Variants in SULF1 observed in about 807,000 individuals in gnomAD.
SULF1 encodes the protein sulfatase 1, also known as extracellular sulfatase Sulf-1.
In SULF1, 46 loss-of-function variants were observed where a neutral mutation model predicts 110.5. The ratio of observed to expected loss-of-function variants is 0.42; its 90% CI spans 0.33 to 0.53. SULF1 has a LOEUF of 0.53. SULF1 is among the 20% of genes least tolerant of loss of function. The pLI is 0.12. For synonymous variants in SULF1, 371 were observed against 387.1 expected (o/e 0.96, Z 0.49); for missense variants, 941 against 1,094.2 (o/e 0.86, Z 1.98).
At chr8:69,623,197 A>G in intron 14 of SULF1, among the ~76,000 whole-genome samples, 1 of 131,054 alleles carries the variant, frequency 7.6e-6, no homozygotes, top group East Asian at 2.7e-4. Context: ...TTGGCTGATG[A>G]AAGCATTAAC....
intron 3 of SULF1, among the ~76,000 whole-genome samples, chr8:69,525,442 A>G (rs1812593934): frequency 6.6e-6 from 1 of 152,182 alleles, no homozygotes; most frequent in African/African-American, 2.4e-5. Flanking sequence ...AGCAGTGGCA[A>G]GGATGACAGC....
chr8:69,507,823 T>C (rs1016378681), intron 3 of SULF1, among the ~76,000 whole-genome samples: 3 of 151,282 alleles, frequency 2.0e-5, no homozygotes, highest in African/African-American at 7.3e-5. Flanking sequence ...CATGAAAATG[T>C]AAAAAAAAAT....
chr8:69,509,629 G>A (rs1441839282), intron 3 of SULF1, among the ~76,000 whole-genome samples: 2 of 152,164 alleles, frequency 1.3e-5, no homozygotes, highest in African/African-American at 4.8e-5. Flanking sequence ...TAAAGTGACT[G>A]AAAAATTGTC....
chr8:69,541,271 C>A (rs1813835165), intron 3 of SULF1, among the ~76,000 whole-genome samples: 1 of 152,168 alleles, frequency 6.6e-6, no homozygotes, highest in South Asian at 2.1e-4. Context: ...GCTTGTGAGA[C>A]CGGAGGACAC....
intron 13 of SULF1, among the ~76,000 whole-genome samples, chr8:69,616,371 C>T (rs1809145239): frequency 6.6e-6 from 1 of 151,108 alleles, no homozygotes; most frequent in Non-Finnish European, 1.5e-5. Context: ...AGGCATGCGC[C>T]GCCACCTGGC....
chr8:69,630,981 G>A (rs76503029), intron 19 of SULF1, among the ~76,000 whole-genome samples: 8,257 of 149,938 alleles, frequency 0.055, 377 homozygotes, highest in Non-Finnish European at 0.074. Context: ...CCCCCACCCT[G>A]CAACAGTCCC....
chr8:69,552,359 G>A (rs1425484157), intron 3 of SULF1, among the ~76,000 whole-genome samples: 3 of 152,168 alleles, frequency 2.0e-5, no homozygotes, highest in African/African-American at 4.8e-5. Flanking sequence ...AAGTCAGTAA[G>A]TTGTCAAGGA....
chr8:69,471,308 C>T (rs1255240995), intron 1 of SULF1, among the ~76,000 whole-genome samples: 5 of 152,050 alleles, frequency 3.3e-5, no homozygotes, highest in South Asian at 4.1e-4. Context: ...CCAGGACATT[C>T]GAACACTCAA....
chr8:69,546,385 C>G lies in SULF1; in HGVS notation c.-133-17154C>G, dbSNP rs546445314. 2.6e-5 allele frequency among the ~76,000 whole-genome samples: 4 copies of G among 152,300 alleles called. No individual in the cohort carries two copies. The East Asian group carries it at 7.7e-4, about 29-fold the overall frequency. On this transcript the variant is annotated intron_variant, in intron 3 of 22. Transcript: ENST00000402687. ...CATTTATCCCCGTGGTCAGGCAAAG[C>G]TATGATTCAAGCTGAGGTGAATTTC...
intron 2 of SULF1, among the ~76,000 whole-genome samples, chr8:69,499,151 A>G (rs1423271014): frequency 1.3e-5 from 2 of 152,188 alleles, no homozygotes; most frequent in East Asian, 1.9e-4. Flanking sequence ...GAGCCACTGC[A>G]ACGGGTCCCA....
rs1217936933 is a variant in SULF1, at chr8:69,638,763, G to A, written c.2456G>A (p.Arg819Gln). 3.1e-6 allele frequency: 5 copies of A among 1,614,144 alleles called. No individual in the cohort carries two copies. The African/African-American group carries it at 4.0e-5, about 13-fold the overall frequency. The change falls in exon 21 of 23, where the codon CGA (arginine) becomes CAA (glutamine). Residue 819 changes from arginine (R) to glutamine (Q), a missense_variant. Arg to Gln is a conservative substitution (Grantham distance 43). Coordinates refer to ENST00000402687, the MANE Select transcript of SULF1 (RefSeq NM_001128205.2). The part of the protein sequence containing the change: ...QLTNTVHTVE[R>Q]GILNQLHVQL... ...ACAAATACAGTGCACACGGTAGAAC[G>A]AGGCATTTTGAATCAGCTACACGTA...
At chr8:69,487,436 G>A (rs1413444674) in intron 1 of SULF1, among the ~76,000 whole-genome samples, 6 of 152,172 alleles carry the variant, frequency 3.9e-5, no homozygotes, top group Non-Finnish European at 7.3e-5. Context: ...TTGAAGTGGG[G>A]GTGCAGAGTT....
intron 3 of SULF1, among the ~76,000 whole-genome samples, chr8:69,549,770 GATTA>G (rs1814560734): frequency 6.6e-6 from 1 of 152,100 alleles, no homozygotes; most frequent in African/African-American, 2.4e-5. Context: ...TGTCACCAAG[GATTA>G]ATTAATCATT....
intron 22 of SULF1, among the ~76,000 whole-genome samples, chr8:69,649,698 T>A (rs186494609): frequency 6.6e-6 from 1 of 152,286 alleles, no homozygotes; most frequent in East Asian, 1.9e-4. Context: ...CAGGATTGAA[T>A]TGAAGCTGTG....
intron 3 of SULF1, among the ~76,000 whole-genome samples, chr8:69,515,941 C>T (rs1342893116): frequency 6.6e-6 from 1 of 152,216 alleles, no homozygotes; most frequent in Non-Finnish European, 1.5e-5. Context: ...GAGACCACCT[C>T]AGCCTGGATT....
intron 3 of SULF1, among the ~76,000 whole-genome samples, chr8:69,537,979 T>C (rs970698091): frequency 2.0e-5 from 3 of 151,582 alleles, no homozygotes; most frequent in African/African-American, 7.3e-5. Context: ...TTTTTTTTTT[T>C]AGACGGAGTC....
chr8:69,478,196 G>A (rs142397657), intron 1 of SULF1, among the ~76,000 whole-genome samples: 1 of 152,134 alleles, frequency 6.6e-6, no homozygotes, highest in African/African-American at 2.4e-5. Flanking sequence ...GGAGGAAAGA[G>A]GAAGGACTTC....
At chr8:69,574,517 G>T (rs1411979361) in intron 5 of SULF1, among the ~76,000 whole-genome samples, 1 of 152,096 alleles carries the variant, frequency 6.6e-6, no homozygotes, top group Non-Finnish European at 1.5e-5. Context: ...CCCTGCTACT[G>T]CTGTATTCAC....
At chr8:69,521,737 G>A (rs182272789) in intron 3 of SULF1, among the ~76,000 whole-genome samples, 186 of 151,976 alleles carry the variant, frequency 1.2e-3, no homozygotes, top group African/African-American at 3.6e-3. Context: ...AGGAAGCCAC[G>A]GCAGGATTTT....
Sources: allele counts gnomAD v4.1 joint callset (sites outside exome capture counted in the v4.1 genomes callset), GRCh38; gene constraint gnomAD v4.1.1; transcripts MANE v1.5; gene names NCBI Gene and HGNC (gene_info 2026-07-23, HGNC 2026-07-21).